Variants in CNTNAP2 observed in about 807,000 individuals in gnomAD.
CNTNAP2 encodes the protein contactin-associated protein-like 2.
Under a neutral mutation model 155.2 loss-of-function variants are expected in CNTNAP2, and 98 were observed. The observed-to-expected ratio is 0.63, with a 90% CI of 0.54 to 0.75. The LOEUF (loss-of-function observed/expected upper bound fraction) is 0.75, where lower values mean the gene tolerates loss of function less well. Among genes scored for constraint, CNTNAP2 ranks in the 30% least tolerant of loss-of-function variants. CNTNAP2 has a pLI of 0.00. For synonymous variants in CNTNAP2, 651 were observed against 631.2 expected, an observed-to-expected ratio of 1.03 and a Z score of -0.47; for missense variants, 1,727 against 1,688.1, an observed-to-expected ratio of 1.02 and a Z score of -0.40.
At chr7:146,808,562 G>A (rs1452010748) in intron 2 of CNTNAP2, among the ~76,000 whole-genome samples, 1 of 152,096 alleles carries the variant, frequency 6.6e-6, no homozygotes, top group Admixed American at 6.6e-5. Context: ...TACTCAAGGA[G>A]TACAATGTAA....
intron 1 of CNTNAP2, among the ~76,000 whole-genome samples, chr7:146,537,128 A>G (rs576561339): frequency 3.3e-5 from 5 of 152,256 alleles, no homozygotes; most frequent in Non-Finnish European, 7.4e-5. Context: ...TACAGTAGTA[A>G]GTTTTGATAG....
intron 1 of CNTNAP2, among the ~76,000 whole-genome samples, chr7:146,128,700 T>C (rs1797672644): frequency 6.6e-6 from 1 of 152,124 alleles, no homozygotes; most frequent in Non-Finnish European, 1.5e-5. Flanking sequence ...GAAAATGGAA[T>C]TGAAATGGGT....
intron 8 of CNTNAP2, among the ~76,000 whole-genome samples, chr7:147,182,621 T>A (rs568441599): frequency 1.7e-4 from 26 of 151,530 alleles, no homozygotes; most frequent in East Asian, 3.9e-4. Flanking sequence ...AGTATCTTTT[T>A]AAAAAAAAAC....
Position 146,251,614 on chromosome 7 carries a change from A to T in CNTNAP2, c.97+134641A>T, listed in dbSNP as rs146650272. Among the ~76,000 whole-genome samples the T allele has an allele frequency of 2.3e-3, 348 of 152,312 alleles. 1 individual carries two copies. The highest frequency in any genetic ancestry group is 8.0e-3 in the African/African-American group (334 of 41,558). On this transcript the variant is annotated intron_variant, in intron 1 of 23. Transcript: ENST00000361727. ...ACATGATAGATGCTAATTTTAATTA[A>T]ATTTATTATTTCAACTTTGAAAAAT...
chr7:148,120,452 C>T (rs76565712), intron 16 of CNTNAP2, among the ~76,000 whole-genome samples: 9,266 of 151,808 alleles, frequency 0.061, 439 homozygotes, highest in African/African-American at 0.13. Flanking sequence ...GTTTTTGTCA[C>T]TGCGGGATCT....
At chr7:146,900,672 T>A (rs1795974211) in intron 3 of CNTNAP2, among the ~76,000 whole-genome samples, 1 of 152,160 alleles carries the variant, frequency 6.6e-6, no homozygotes, top group Admixed American at 6.5e-5. Context: ...ATTCCTGTGT[T>A]TCTCCCCAGA....
At chr7:146,820,312 T>G (rs79523148) in intron 2 of CNTNAP2, among the ~76,000 whole-genome samples, 3,534 of 152,236 alleles carry the variant, frequency 0.023, 140 homozygotes, top group African/African-American at 0.079. Context: ...TAATATTATG[T>G]TTTGAGGAAT....
chr7:147,839,687 C>A (rs530671024), intron 13 of CNTNAP2, among the ~76,000 whole-genome samples: 39 of 152,250 alleles, frequency 2.6e-4, no homozygotes, highest in African/African-American at 8.9e-4. Flanking sequence ...CTGAAGATTT[C>A]TCAATGAACT....
intron 13 of CNTNAP2, among the ~76,000 whole-genome samples, chr7:147,867,210 C>T (rs941447573): frequency 3.9e-5 from 6 of 152,230 alleles, no homozygotes; most frequent in African/African-American, 1.4e-4. Context: ...ACTTATGAAG[C>T]TTATTTTGGC....
At chr7:147,545,468 C>A (rs1799712975) in intron 11 of CNTNAP2, among the ~76,000 whole-genome samples, 1 of 152,158 alleles carries the variant, frequency 6.6e-6, no homozygotes, top group African/African-American at 2.4e-5. Context: ...TAACAAGCCT[C>A]CCTAAAAATT....
intron 18 of CNTNAP2, among the ~76,000 whole-genome samples, chr7:148,209,982 A>G (rs1795516007): frequency 6.6e-6 from 1 of 152,152 alleles, no homozygotes; most frequent in African/African-American, 2.4e-5. Flanking sequence ...GCAAAATCTC[A>G]CTGGCCTTCA....
chr7:148,188,809 G>A (rs1364265069), intron 18 of CNTNAP2, among the ~76,000 whole-genome samples: 1 of 152,076 alleles, frequency 6.6e-6, no homozygotes, highest in East Asian at 1.9e-4. Flanking sequence ...TCATTCCCTT[G>A]AAACCACTTG....
At chr7:146,237,935 A>G (rs559838752) in intron 1 of CNTNAP2, among the ~76,000 whole-genome samples, 5 of 152,372 alleles carry the variant, frequency 3.3e-5, no homozygotes, top group African/African-American at 1.2e-4. Context: ...ATAAAAATAA[A>G]TAGTTGTTCT....
At chr7:147,598,532 A>G (rs577807239) in intron 12 of CNTNAP2, among the ~76,000 whole-genome samples, 6 of 152,234 alleles carry the variant, frequency 3.9e-5, no homozygotes, top group Non-Finnish European at 8.8e-5. Flanking sequence ...TTATGGCTGC[A>G]TAGTATTCTA....
chr7:147,869,957 AT>A (rs1344061743), intron 13 of CNTNAP2, among the ~76,000 whole-genome samples: 1 of 152,124 alleles, frequency 6.6e-6, no homozygotes, highest in Admixed American at 6.5e-5. Context: ...TGTACTAAAT[AT>A]TTTGCTAAGG....
At chr7:146,787,094 GGTTTT>G (rs1802586789) in intron 2 of CNTNAP2, among the ~76,000 whole-genome samples, 1 of 152,082 alleles carries the variant, frequency 6.6e-6, no homozygotes, top group South Asian at 2.1e-4. Context: ...TAACGAATTG[GGTTTT>G]GTTTTGTTTT....
intron 1 of CNTNAP2, among the ~76,000 whole-genome samples, chr7:146,194,853 T>G (rs1000906931): frequency 1.3e-5 from 2 of 152,170 alleles, no homozygotes; most frequent in African/African-American, 4.8e-5. Flanking sequence ...CAAAATGTAG[T>G]AAGAAAATGA....
At chr7:147,537,791 C>G (rs958596149) in intron 11 of CNTNAP2, among the ~76,000 whole-genome samples, 2 of 152,112 alleles carry the variant, frequency 1.3e-5, no homozygotes, top group Non-Finnish European at 2.9e-5. Context: ...AAGGTTTGTA[C>G]TGATTCAGGT....
intron 13 of CNTNAP2, among the ~76,000 whole-genome samples, chr7:147,799,597 T>C (rs1797955036): frequency 1.3e-5 from 2 of 152,230 alleles, no homozygotes. Flanking sequence ...AAAAAGACTT[T>C]ACCAAATAAA....
Sources: gnomAD v4.1 joint callset for allele counts (sites outside exome capture counted in the v4.1 genomes callset) on GRCh38, gnomAD v4.1.1 for gene constraint, MANE v1.5 for transcripts, NCBI Gene and HGNC (gene_info 2026-07-23, HGNC 2026-07-21) for gene names.